The following SGPP1 variants were observed in gnomAD, a reference collection of about 807,000 sequenced individuals.
SGPP1 encodes the protein hSPP1.
Under a neutral mutation model 33.0 loss-of-function variants are expected in SGPP1, and 21 were observed. That is an observed-to-expected ratio of 0.64 (90% confidence interval 0.45 to 0.92). SGPP1 has a LOEUF of 0.92. SGPP1 is among the 40% of genes least tolerant of loss of function. The pLI, the probability that SGPP1 is intolerant of heterozygous loss-of-function variation, is 0.00. For missense variants in SGPP1, 543 were observed against 589.4 expected (o/e 0.92, Z 0.81); for synonymous variants, 239 against 241.2 (o/e 0.99, Z 0.08).
At position 63,727,591 on chromosome 14, in the gene SGPP1, G is replaced by A; in HGVS notation, c.354C>T (p.Gly118=). The change falls in exon 1 of 3, where the codon GGC becomes GGT. Residue 118 remains glycine, a synonymous_variant. Transcript: ENST00000247225. The part of the protein sequence containing the change: ...LRRNSLTGEE[G]QLARVSNWPL... ...GCCAGTTGCTCACGCGGGCCAGCTG[G>A]CCCTCCTCGCCCGTCAGCGAGTTGC... 6.4e-7 allele frequency: 1 copy of A among 1,561,254 alleles called. No individual in the cohort carries two copies.
chr14:63,727,554 G>A lies in SGPP1; in HGVS notation c.391C>T (p.Leu131=), dbSNP rs774708011. The A allele has an allele frequency of 6.2e-7, 1 of 1,610,810 alleles. No individual in the cohort carries two copies. Among genetic ancestry groups the A allele is most frequent in the Non-Finnish European group, 8.5e-7 (1 of 1,178,950 alleles). ...CCCAGCTCCGTGCCGAAGCAGAACA[G>A]GCAGTAGAGCGGCCAGTTGCTCACG... ...ARVSNWPLYC[L]FCFGTELGNE... The change falls in exon 1 of 3, where the codon CTG becomes TTG. Residue 131 remains leucine, a synonymous_variant. Transcript: ENST00000247225.
chr14:63,703,725 A>G (rs1885348233), intron 1 of SGPP1, among the ~76,000 whole-genome samples: 1 of 150,826 alleles, frequency 6.6e-6, no homozygotes, highest in Non-Finnish European at 1.5e-5. Context: ...TAGAAGACTT[A>G]ATACATTAAA....
At chr14:63,703,994 T>G (rs1726296476) in intron 1 of SGPP1, among the ~76,000 whole-genome samples, 1 of 151,752 alleles carries the variant, frequency 6.6e-6, no homozygotes, top group South Asian at 2.1e-4. Flanking sequence ...CCCTGCTAAT[T>G]TTTTAATGTT....
At chr14:63,700,427 A>C (rs1447760388) in intron 1 of SGPP1, among the ~76,000 whole-genome samples, 10 of 152,178 alleles carry the variant, frequency 6.6e-5, no homozygotes, top group Non-Finnish European at 4.4e-5. Flanking sequence ...AGTAATCCAA[A>C]TGAGAAACAT....
intron 1 of SGPP1, among the ~76,000 whole-genome samples, chr14:63,709,844 A>C (rs531188026): frequency 2.3e-4 from 35 of 152,194 alleles, no homozygotes; most frequent in Non-Finnish European, 5.1e-4. Context: ...ATTTATCTAA[A>C]CGTTTCCCTC....
chr14:63,694,669 T>C (rs943223013), intron 2 of SGPP1, among the ~76,000 whole-genome samples: 2 of 152,212 alleles, frequency 1.3e-5, no homozygotes, highest in Non-Finnish European at 2.9e-5. Flanking sequence ...ATCAATATAA[T>C]GGATAACATT....
At position 63,727,677 on chromosome 14, in the gene SGPP1, G is replaced by A. The variant is rs1885917666; in HGVS notation, c.268C>T (p.Arg90Trp). Residue 90 changes from arginine (R) to tryptophan (W), a missense_variant, in exon 1 of 3, where the codon CGG (arginine) becomes TGG (tryptophan). Transcript: ENST00000247225. Reference protein sequence around the residue: ...PDGGGAPNGVRNGLAAELGPA... With the variant: ...PDGGGAPNGVWNGLAAELGPA... ...CCCAGCTCGGCCGCCAGCCCGTTCC[G>A]CACGCCGTTGGGGGCGCCGCCGCCG... 7.5e-7 allele frequency: 1 copy of A among 1,334,798 alleles called. No individual in the cohort carries two copies. The highest frequency in any genetic ancestry group is 4.1e-5 in the Admixed American group (1 of 24,198). The allele number at this position is 1,334,798 out of a possible 1,614,324, so 82.7% of individuals were successfully genotyped here. A position where few individuals can be genotyped will look rare whatever the true frequency, so the allele number is the denominator to read the frequency against.
intron 2 of SGPP1, among the ~76,000 whole-genome samples, chr14:63,695,214 G>A (rs1174080624): frequency 1.8e-4 from 27 of 152,104 alleles, no homozygotes; most frequent in Admixed American, 6.5e-5. Context: ...CCGCCACCAC[G>A]CCTGGCTAAT....
intron 1 of SGPP1, among the ~76,000 whole-genome samples, chr14:63,716,853 C>T (rs561998913): frequency 6.6e-6 from 1 of 152,152 alleles, no homozygotes; most frequent in Admixed American, 6.5e-5. Context: ...ACCAACATGC[C>T]AGCTAATTTT....
intron 2 of SGPP1, 98 bp from the exon 3 acceptor site, chr14:63,686,754 A>C (rs1884989115): frequency 1.1e-6 from 1 of 894,362 alleles, no homozygotes; most frequent in African/African-American, 1.7e-5. Context: ...TTGAATATAC[A>C]TAAATTTTTT....
chr14:63,726,909 G>C (rs1885892879), intron 1 of SGPP1, among the ~76,000 whole-genome samples: 1 of 152,152 alleles, frequency 6.6e-6, no homozygotes, highest in Non-Finnish European at 1.5e-5. Context: ...AGTTTACATA[G>C]CGATTATTTA....
intron 2 of SGPP1, 99 bp from the exon 3 acceptor site, chr14:63,686,755 T>G: frequency 1.2e-6 from 1 of 862,820 alleles, no homozygotes; most frequent in South Asian, 2.1e-5. Context: ...TGAATATACA[T>G]AAATTTTTTA....
chr14:63,719,115 C>T (rs975827382), intron 1 of SGPP1, among the ~76,000 whole-genome samples: 3 of 138,424 alleles, frequency 2.2e-5, no homozygotes, highest in African/African-American at 8.2e-5. Flanking sequence ...GCAACGTATG[C>T]CTCCCAGGTT....
chr14:63,725,614 A>G (rs1241660216), intron 1 of SGPP1, among the ~76,000 whole-genome samples: 1 of 152,226 alleles, frequency 6.6e-6, no homozygotes, highest in Non-Finnish European at 1.5e-5. Context: ...TTTAAAAACT[A>G]AATCTAAGCT....
intron 1 of SGPP1, among the ~76,000 whole-genome samples, chr14:63,717,091 T>C (rs1885646711): frequency 6.6e-6 from 1 of 152,086 alleles, no homozygotes; most frequent in Non-Finnish European, 1.5e-5. Flanking sequence ...CAAATGCAAT[T>C]TCTAGATATA....
chr14:63,713,860 GGT>G (rs1277016001), intron 1 of SGPP1, among the ~76,000 whole-genome samples: 1 of 152,148 alleles, frequency 6.6e-6, no homozygotes, highest in East Asian at 1.9e-4. Context: ...CATCATTTTG[GGT>G]GTGTCTGTGA....
chr14:63,710,515 A>G (rs1885501731), intron 1 of SGPP1, among the ~76,000 whole-genome samples: 1 of 152,252 alleles, frequency 6.6e-6, no homozygotes, highest in South Asian at 2.1e-4. Flanking sequence ...AGATGCATTA[A>G]AAGGATAGAC....
At chr14:63,720,836 G>C (rs999405189) in intron 1 of SGPP1, among the ~76,000 whole-genome samples, 3 of 152,182 alleles carry the variant, frequency 2.0e-5, no homozygotes, top group African/African-American at 4.8e-5. Context: ...CTAAACAAGA[G>C]ATGTCTAACA....
intron 2 of SGPP1, 34 bp from the exon 3 acceptor site, chr14:63,686,690 A>G: frequency 7.2e-7 from 1 of 1,394,946 alleles, no homozygotes; most frequent in South Asian, 1.4e-5. Flanking sequence ...TGTTTAGTAT[A>G]ATACTGAATA....
Sources: gnomAD v4.1 joint callset for allele counts (sites outside exome capture counted in the v4.1 genomes callset) on GRCh38, gnomAD v4.1.1 for gene constraint, MANE v1.5 for transcripts, NCBI Gene and HGNC (gene_info 2026-07-23, HGNC 2026-07-21) for gene names.